CETP: variants seen among roughly 807,000 people sequenced by gnomAD.
The protein encoded by CETP is BPI fold containing family F.
CETP carries 56 observed loss-of-function variants against 66.5 expected under a neutral mutation model. The observed-to-expected ratio is 0.84, with a 90% CI of 0.68 to 1.05. The LOEUF is 1.05. Among genes scored for constraint, CETP ranks in the 50% least tolerant of loss-of-function variants. The pLI is 0.00. For missense variants in CETP, 612 were observed against 609.6 expected, an observed-to-expected ratio of 1.00 and a Z score of -0.04; for synonymous variants, 251 against 245.7, an observed-to-expected ratio of 1.02 and a Z score of -0.20.
Position 56,969,914 on chromosome 16 carries a change from C to T in CETP, c.440C>T (p.Thr147Ile). The T allele has an allele frequency of 6.2e-7, 1 of 1,614,032 alleles. No homozygotes were observed. The highest frequency in any genetic ancestry group is 1.1e-5 in the South Asian group (1 of 91,042). Residue 147 changes from threonine (T) to isoleucine (I), a missense_variant and splice_region_variant, in exon 5 of 16, where the codon ACC (threonine) becomes ATC (isoleucine). Physicochemically the swap from Thr to Ile is moderately conservative, Grantham distance 89. Coordinates refer to ENST00000200676, the MANE Select transcript of CETP (RefSeq NM_000078.3). ...GAGGTCATGTCGGGTCTCCCTGCAG[C>T]CTGTGACTCTGGTAGAGTGCGGACC... The part of the protein sequence containing the change: ...AIDLQINTQL[T>I]CDSGRVRTDA...
intron 1 of CETP, among the ~76,000 whole-genome samples, chr16:56,962,735 C>T (rs186481539): frequency 1.6e-5 from 1 of 63,044 alleles, no homozygotes; most frequent in African/African-American, 3.7e-5. Flanking sequence ...TCAGGGCTGC[C>T]CCATTTGCTA....
At chr16:56,979,517 A>ATTT (rs34279747) in intron 11 of CETP, among the ~76,000 whole-genome samples, 282 of 150,186 alleles carry the variant, frequency 1.9e-3, no homozygotes, top group East Asian at 7.8e-3. Context: ...AATATCTTCA[A>ATTT]TTTTTTTTTT....
chr16:56,965,267 C>T (rs780471689), intron 2 of CETP, among the ~76,000 whole-genome samples: 36 of 150,676 alleles, frequency 2.4e-4, no homozygotes, highest in African/African-American at 8.8e-4. Context: ...TTATCCCAAA[C>T]GTATATGAGT....
chr16:56,972,101 G>T lies in CETP; in HGVS notation c.750+18G>T. The T allele has an allele frequency of 1.3e-6, 2 of 1,595,330 alleles. No individual in the cohort carries two copies. ...ATCACAAGGTAGGAGTTGTGGGAGG[G>T]TGGGGCAGGGCCCAGCTTCCCCAGG... On this transcript the variant is annotated intron_variant, in intron 8 of 15. Transcript: ENST00000200676.
intron 10 of CETP, 94 bp from the exon 11 acceptor site, chr16:56,977,997 C>A (rs550387353): frequency 1.1e-5 from 16 of 1,511,412 alleles, no homozygotes; most frequent in Non-Finnish European, 1.4e-5. Context: ...CCCTGGGGCC[C>A]GGAGCCAGCT....
chr16:56,972,250 G>A (rs545396405), intron 8 of CETP, among the ~76,000 whole-genome samples, 167 bp downstream of exon 8: 58 of 152,312 alleles, frequency 3.8e-4, no homozygotes, highest in Middle Eastern at 3.4e-3. Flanking sequence ...GCTGCGAGGA[G>A]GGCAGGCCAC....
intron 10 of CETP, among the ~76,000 whole-genome samples, 189 bp downstream of exon 10, chr16:56,975,340 A>C (rs1162984483): frequency 6.6e-6 from 1 of 152,188 alleles, no homozygotes; most frequent in Non-Finnish European, 1.5e-5. Context: ...GCTCACACCG[A>C]CCCTATGAGT....
At chr16:56,966,513 G>T (rs978301555) in intron 2 of CETP, among the ~76,000 whole-genome samples, 3 of 152,192 alleles carry the variant, frequency 2.0e-5, no homozygotes, top group African/African-American at 7.2e-5. Flanking sequence ...ATGGAGAAAT[G>T]CACCCTGTGC....
intron 8 of CETP, among the ~76,000 whole-genome samples, 184 bp downstream of exon 8, chr16:56,972,267 G>A (rs1047965873): frequency 1.3e-5 from 2 of 152,170 alleles, no homozygotes; most frequent in African/African-American, 2.4e-5. Flanking sequence ...CCACAGCGAC[G>A]TGCCCCTGAC....
intron 3 of CETP, 39 bp from the exon 4 acceptor site, chr16:56,969,572 A>G: frequency 6.2e-7 from 1 of 1,614,140 alleles, no homozygotes; most frequent in South Asian, 1.1e-5. Flanking sequence ...TCTGGGCTGG[A>G]GGGCTGAATG....
rs1450368519 is a variant in CETP at position 56,981,176 on chromosome 16, C to G, written c.1165C>G (p.Gln389Glu). Residue 389 changes from glutamine (Q) to glutamate (E), a missense_variant, in exon 12 of 16, where the codon CAG (glutamine) becomes GAG (glutamate). Physicochemically the swap from Gln to Glu is conservative, Grantham distance 29. Coordinates refer to ENST00000200676, the MANE Select transcript of CETP (RefSeq NM_000078.3). ...TCCCCAGGATATCGTGACTACCGTC[C>G]AGGCCTCCTATTCTAAGAAAAAGCT... ...TFEEDIVTTV[Q>E]ASYSKKKLFL... The G allele has an allele frequency of 1.3e-5, 21 of 1,613,654 alleles. No individual in the cohort carries two copies. The highest frequency in any genetic ancestry group is 1.8e-5 in the Non-Finnish European group (21 of 1,179,542).
chr16:56,983,440 C>T, intron 15 of CETP, 29 bp downstream of exon 15: 2 of 1,611,998 alleles, frequency 1.2e-6, no homozygotes, highest in Admixed American at 1.7e-5. Flanking sequence ...TCACCAGCCC[C>T]TGTTCCTGGG....
chr16:56,970,484 G>A (rs1331664329), intron 5 of CETP, among the ~76,000 whole-genome samples: 2 of 152,218 alleles, frequency 1.3e-5, no homozygotes, highest in African/African-American at 4.8e-5. Context: ...AGGGATGGGA[G>A]TAGGATTTGA....
intron 11 of CETP, among the ~76,000 whole-genome samples, 190 bp from the exon 12 acceptor site, chr16:56,980,968 C>T (rs1367786395): frequency 6.6e-6 from 1 of 152,142 alleles, no homozygotes; most frequent in Non-Finnish European, 1.5e-5. Context: ...TTCTCAGGTC[C>T]TAACCCCAAA....
At chr16:56,981,973 C>T (rs958913558) in intron 13 of CETP, among the ~76,000 whole-genome samples, 192 bp from the exon 14 acceptor site, 2 of 152,194 alleles carry the variant, frequency 1.3e-5, no homozygotes, top group African/African-American at 2.4e-5. Context: ...GGCTAGCAAT[C>T]CTGGGCCTCC....
chr16:56,983,553 G>T, intron 15 of CETP, 39 bp from the exon 16 acceptor site: 1 of 1,611,216 alleles, frequency 6.2e-7, no homozygotes, highest in South Asian at 1.1e-5. Context: ...CTGGGAGTCA[G>T]CCCAGCTCGC....
In CETP at chr16:56,983,379, G is replaced by T. The variant is rs1326253991; in HGVS notation, c.1375G>T (p.Asp459Tyr). The change falls in exon 15 of 16, where the codon GAC becomes TAC. Residue 459 changes from aspartate to tyrosine, a missense_variant. Physicochemically the swap from Asp to Tyr is radical, Grantham distance 160 (BLOSUM62 -3). Coordinates refer to ENST00000200676, the MANE Select transcript of CETP (RefSeq NM_000078.3). ...LMNSKGVSLF[D>Y]IINPEIITRD... Reference sequence around the variant, plus strand: ...GAACAGCAAAGGCGTGAGCCTCTTCGACATCATCAACCCTGAGATTATCAC... The same window carrying T: ...GAACAGCAAAGGCGTGAGCCTCTTCTACATCATCAACCCTGAGATTATCAC... The T allele has an allele frequency of 3.1e-6, 5 of 1,614,192 alleles. No individual in the cohort carries two copies. The highest frequency in any genetic ancestry group is 1.1e-5 in the South Asian group (1 of 91,088).
At position 56,963,119 on chromosome 16, in the gene CETP, G is replaced by A. The variant is rs754386187; in HGVS notation, c.228G>A (p.Leu76=). 9.9e-6 allele frequency: 16 copies of A among 1,613,428 alleles called. No individual in the cohort carries two copies. In the East Asian group the frequency reaches 2.2e-4, roughly 22 times the overall value. Residue 76 remains leucine, a synonymous_variant, in exon 2 of 16, where the codon TTG becomes TTA. Coordinates refer to ENST00000200676, the MANE Select transcript of CETP (RefSeq NM_000078.3). The part of the protein sequence containing the change: ...MMLLGQVKYG[L]HNIQISHLSI... Reference sequence around the variant, plus strand: ...TCCTTGGCCAAGTCAAGTATGGGTTGCACAAGTGAGTCGGGCCTCGGGTGT... The same window carrying A: ...TCCTTGGCCAAGTCAAGTATGGGTTACACAAGTGAGTCGGGCCTCGGGTGT...
intron 7 of CETP, among the ~76,000 whole-genome samples, chr16:56,971,643 A>T (rs1412932177): frequency 1.3e-5 from 2 of 152,196 alleles, no homozygotes; most frequent in African/African-American, 4.8e-5. Flanking sequence ...GGACTCCAAG[A>T]TTCTCCTGGA....
Sources: allele counts gnomAD v4.1 joint callset (sites outside exome capture counted in the v4.1 genomes callset), GRCh38; gene constraint gnomAD v4.1.1; transcripts MANE v1.5; gene names NCBI Gene and HGNC (gene_info 2026-07-23, HGNC 2026-07-21).